Variants in SPECC1 observed in about 807,000 individuals in gnomAD.
The protein encoded by SPECC1 is sperm antigen with calponin homology and coiled-coil domains 1, also known as cytospin-B.
A neutral mutation model predicts 104.1 loss-of-function variants in SPECC1; 62 were observed. The observed-to-expected ratio is 0.60, with a 90% CI of 0.49 to 0.74. The LOEUF is 0.74. SPECC1 is among the 30% of genes least tolerant of loss of function. SPECC1 has a pLI of 0.00. For missense variants in SPECC1, 1,306 were observed against 1,310.5 expected, an observed-to-expected ratio of 1.00 and a Z score of 0.05; for synonymous variants, 513 against 501.6, an observed-to-expected ratio of 1.02 and a Z score of -0.30.
chr17:20,204,926 A>ATC lies in SPECC1; in HGVS notation c.878_879insCT (p.Met293IlefsTer74). ...CTTCGGAAGCCCAACTGGAAATCAG[A>ATC]TGTCCAGTGACATTGATGAGTATAA... is the stretch of plus-strand genomic sequence containing the variant. On this transcript the variant is annotated frameshift_variant, in exon 4 of 15. Coordinates refer to ENST00000395527, the MANE Select transcript of SPECC1 (RefSeq NM_001243439.2). LOFTEE classifies it high-confidence loss of function. 6.2e-6 allele frequency: 10 copies of ATC among 1,613,864 alleles called. No homozygotes were observed. The highest frequency in any genetic ancestry group is 8.5e-6 in the Non-Finnish European group (10 of 1,179,946).
At chr17:20,191,234 C>G (rs990732315) in intron 3 of SPECC1, among the ~76,000 whole-genome samples, 1 of 152,102 alleles carries the variant, frequency 6.6e-6, no homozygotes, top group African/African-American at 2.4e-5. Flanking sequence ...ACTCATTTGG[C>G]TAAATACCAA....
chr17:20,031,223 G>A (rs1156467474), intron 1 of SPECC1, among the ~76,000 whole-genome samples: 1 of 152,148 alleles, frequency 6.6e-6, no homozygotes, highest in African/African-American at 2.4e-5. Context: ...TCAAACTCCT[G>A]GTCTCAAGTG....
chr17:20,298,463 A>T (rs2041429444), intron 13 of SPECC1, among the ~76,000 whole-genome samples: 1 of 152,172 alleles, frequency 6.6e-6, no homozygotes, highest in African/African-American at 2.4e-5. Context: ...GGTTGGCTGG[A>T]TGCAGTTAGT....
At position 20,227,505 on chromosome 17, in the gene SPECC1, A is replaced by G. The variant is rs1268933822; in HGVS notation, c.1956A>G (p.Ser652=). ...RTSLKLQEKA[S]ESDAEIKDMK... ...GCCTAAAGCTGCAAGAAAAAGCATC[A>G]GAGAGTGATGCAGAGATCAAAGACA... Residue 652 remains serine (S), a synonymous_variant, in exon 5 of 15, where the codon TCA becomes TCG. Coordinates refer to ENST00000395527, the MANE Select transcript of SPECC1 (RefSeq NM_001243439.2). The G allele has an allele frequency of 2.5e-6, 4 of 1,613,678 alleles. No individual in the cohort carries two copies. Among genetic ancestry groups the G allele is most frequent in the Admixed American group, 1.7e-5 (1 of 59,880 alleles).
In SPECC1 at chr17:20,247,407, T is replaced by A. The variant is rs556528215; in HGVS notation, c.2598+88T>A. On this transcript the variant is annotated intron_variant, in intron 9 of 14. Transcript: ENST00000395527. ...CTTTACACATATTAGTGTCCGTGTG[T>A]GTATGTGTGTGTGTAGAGTATGTGT... The A allele has an allele frequency of 7.2e-6, 6 of 831,348 alleles. No homozygotes were observed. In the Admixed American group the frequency reaches 8.9e-5, roughly 12 times the overall value. 51.5% of individuals were successfully genotyped at this position (831,348 alleles called of 1,614,324 possible).
At chr17:20,179,914 A>G (rs2034751462) in intron 3 of SPECC1, among the ~76,000 whole-genome samples, 1 of 152,228 alleles carries the variant, frequency 6.6e-6, no homozygotes, top group African/African-American at 2.4e-5. Flanking sequence ...TGGAACATCT[A>G]GGAAATAGCG....
At chr17:20,011,419 G>T (rs1013042916) in intron 1 of SPECC1, among the ~76,000 whole-genome samples, 1 of 151,618 alleles carries the variant, frequency 6.6e-6, no homozygotes, top group Admixed American at 6.6e-5. Flanking sequence ...GCATAATGTT[G>T]TATATAGTAT....
intron 13 of SPECC1, among the ~76,000 whole-genome samples, chr17:20,300,648 T>C (rs1272973617): frequency 1.3e-5 from 2 of 152,230 alleles, no homozygotes; most frequent in Non-Finnish European, 2.9e-5. Context: ...CCAGAGCCCC[T>C]GTGTCTGGCC....
intron 1 of SPECC1, among the ~76,000 whole-genome samples, chr17:20,033,175 G>A (rs1487490555): frequency 6.6e-6 from 1 of 151,976 alleles, no homozygotes; most frequent in Non-Finnish European, 1.5e-5. Flanking sequence ...TATTGGCCAG[G>A]CTGGTCTCGA....
chr17:20,047,492 T>G (rs2045582723), intron 1 of SPECC1, among the ~76,000 whole-genome samples: 1 of 152,230 alleles, frequency 6.6e-6, no homozygotes, highest in African/African-American at 2.4e-5. Flanking sequence ...TTACTCAATT[T>G]CAGGAAAGTT....
intron 1 of SPECC1, among the ~76,000 whole-genome samples, chr17:20,033,711 T>C (rs2044924890): frequency 6.6e-6 from 1 of 152,092 alleles, no homozygotes; most frequent in Non-Finnish European, 1.5e-5. Context: ...CACCAAACCA[T>C]TCAGGAGGGA....
At chr17:20,259,004 A>G (rs1282069379) in intron 11 of SPECC1, among the ~76,000 whole-genome samples, 2 of 152,230 alleles carry the variant, frequency 1.3e-5, no homozygotes, top group African/African-American at 4.8e-5. Context: ...ATAGCATTTC[A>G]CTTAGTAAAA....
intron 1 of SPECC1, among the ~76,000 whole-genome samples, chr17:20,048,285 C>T (rs1351814611): frequency 1.3e-5 from 2 of 152,012 alleles, no homozygotes; most frequent in Non-Finnish European, 2.9e-5. Context: ...AGGCACCTGC[C>T]ACCACGCCCG....
chr17:20,026,658 G>A (rs1207004040), intron 1 of SPECC1, among the ~76,000 whole-genome samples: 1 of 152,092 alleles, frequency 6.6e-6, no homozygotes, highest in Non-Finnish European at 1.5e-5. Context: ...GAGTGTATAT[G>A]CCACATTTTC....
intron 3 of SPECC1, among the ~76,000 whole-genome samples, chr17:20,154,218 T>C (rs1217838330): frequency 6.6e-6 from 1 of 152,248 alleles, no homozygotes; most frequent in African/African-American, 2.4e-5. Flanking sequence ...GGAACAATAA[T>C]TAGTAAACAT....
At chr17:20,124,157 G>A (rs765989949) in intron 3 of SPECC1, among the ~76,000 whole-genome samples, 14 of 152,236 alleles carry the variant, frequency 9.2e-5, no homozygotes, top group Middle Eastern at 6.8e-3. Context: ...GGGTGGGGAT[G>A]TGTAGATGGC....
intron 1 of SPECC1, among the ~76,000 whole-genome samples, chr17:20,095,259 T>A (rs1264592654): frequency 6.6e-6 from 1 of 152,234 alleles, no homozygotes; most frequent in Non-Finnish European, 1.5e-5. Flanking sequence ...TCCAGAATTT[T>A]AAAAAAATCA....
chr17:20,240,061 T>A (rs965000408), intron 7 of SPECC1, among the ~76,000 whole-genome samples: 17 of 25,156 alleles, frequency 6.8e-4, no homozygotes, highest in Non-Finnish European at 9.0e-4. Flanking sequence ...GTCCAGCTAA[T>A]TTTTTTTTTT....
At chr17:20,041,269 CTT>C (rs1231925835) in intron 1 of SPECC1, among the ~76,000 whole-genome samples, 5 of 152,022 alleles carry the variant, frequency 3.3e-5, no homozygotes, top group Non-Finnish European at 5.9e-5. Context: ...GAGTTTTGCT[CTT>C]GTTGCCCAGG....
Sources: allele counts gnomAD v4.1 joint callset (sites outside exome capture counted in the v4.1 genomes callset), GRCh38; gene constraint gnomAD v4.1.1; transcripts MANE v1.5; gene names NCBI Gene and HGNC (gene_info 2026-07-23, HGNC 2026-07-21).